Variants in VRK2 observed in about 807,000 individuals in gnomAD.
VRK2 encodes the protein VRK serine/threonine kinase 2, also known as serine/threonine-protein kinase VRK2.
Under a neutral mutation model 57.6 loss-of-function variants are expected in VRK2, and 60 were observed. That is an observed-to-expected ratio of 1.04 (90% confidence interval 0.85 to 1.29). The LOEUF (loss-of-function observed/expected upper bound fraction) is 1.29. Ranked by LOEUF, VRK2 falls within the 50% of genes most tolerant of loss-of-function variation. VRK2 has a pLI of 0.00. For synonymous variants in VRK2, 231 were observed against 199.2 expected (o/e 1.16, Z -1.35); for missense variants, 705 against 588.1 (o/e 1.20, Z -2.06).
At chr2:57,961,074 A>T (rs934782196) in intron 1 of VRK2, among the ~76,000 whole-genome samples, 1 of 152,244 alleles carries the variant, frequency 6.6e-6, no homozygotes, top group Admixed American at 6.5e-5. Flanking sequence ...TTACTTCCTT[A>T]TGTGAATAGA....
intron 1 of VRK2, among the ~76,000 whole-genome samples, chr2:57,922,629 T>C (rs945601528): frequency 6.6e-6 from 1 of 151,868 alleles, no homozygotes; most frequent in Non-Finnish European, 1.5e-5. Context: ...GGTACATAGG[T>C]GTATATATCT....
chr2:57,958,205 T>C (rs1671644074), intron 1 of VRK2, among the ~76,000 whole-genome samples: 1 of 152,176 alleles, frequency 6.6e-6, no homozygotes, highest in African/African-American at 2.4e-5. Context: ...TTAATGTCTT[T>C]GAATTTGTGA....
chr2:57,930,166 G>A (rs1317355909), intron 1 of VRK2, among the ~76,000 whole-genome samples: 1 of 152,104 alleles, frequency 6.6e-6, no homozygotes, highest in Non-Finnish European at 1.5e-5. Context: ...TGGCCTACAT[G>A]GCCTTTCAAG....
At chr2:57,937,584 T>C (rs1354858681) in intron 1 of VRK2, among the ~76,000 whole-genome samples, 3 of 152,218 alleles carry the variant, frequency 2.0e-5, no homozygotes, top group African/African-American at 7.2e-5. Context: ...GAACTAAGCA[T>C]TGCTATTTAG....
chr2:58,127,367 T>C (rs931202088), intron 8 of VRK2, among the ~76,000 whole-genome samples: 1 of 152,156 alleles, frequency 6.6e-6, no homozygotes, highest in Non-Finnish European at 1.5e-5. Flanking sequence ...ATTGGCCAAG[T>C]CTAAGATACA....
chr2:58,108,423 G>A (rs1393029452), intron 7 of VRK2, among the ~76,000 whole-genome samples: 1 of 152,044 alleles, frequency 6.6e-6, no homozygotes, highest in Non-Finnish European at 1.5e-5. Flanking sequence ...AAATCCTTCC[G>A]TGACATCTAT....
At chr2:58,134,511 T>TG (rs557017171) in intron 9 of VRK2, among the ~76,000 whole-genome samples, 2 of 149,044 alleles carry the variant, frequency 1.3e-5, no homozygotes, top group South Asian at 2.1e-4. Context: ...CTCGGGAGGC[T>TG]GAGGCAGGAG....
chr2:58,095,023 C>T lies in VRK2; in HGVS notation c.543+5300C>T, dbSNP rs530476770. On this transcript the variant is annotated intron_variant, in intron 7 of 12. Coordinates refer to ENST00000340157, the MANE Select transcript of VRK2 (RefSeq NM_006296.7). ...TTAAAAGGAATACTTGTGCTGGGCG[C>T]GGTGGCTCACGCCTGTAATCTCAGC... 7.9e-5 allele frequency among the ~76,000 whole-genome samples: 12 copies of T among 152,204 alleles called. No individual in the cohort carries two copies. In the South Asian group the frequency reaches 1.0e-3, roughly 13 times the overall value.
At chr2:58,117,007 T>A (rs1024575567) in intron 7 of VRK2, among the ~76,000 whole-genome samples, 2 of 152,094 alleles carry the variant, frequency 1.3e-5, no homozygotes, top group Non-Finnish European at 1.5e-5. Context: ...ACTTTTTTTT[T>A]ATTATTGTAC....
At chr2:58,091,157 T>G (rs1672321025) in intron 7 of VRK2, among the ~76,000 whole-genome samples, 1 of 152,196 alleles carries the variant, frequency 6.6e-6, no homozygotes, top group Admixed American at 6.5e-5. Flanking sequence ...CATTTGGTTG[T>G]TAAGATCCAT....
intron 1 of VRK2, among the ~76,000 whole-genome samples, chr2:57,970,997 G>T (rs1211527517): frequency 6.6e-6 from 1 of 151,846 alleles, no homozygotes; most frequent in Non-Finnish European, 1.5e-5. Context: ...TTGCATCTCT[G>T]TAGTATTATT....
chr2:58,103,195 C>G (rs989754356), intron 7 of VRK2, among the ~76,000 whole-genome samples: 1 of 150,984 alleles, frequency 6.6e-6, no homozygotes, highest in African/African-American at 2.4e-5. Context: ...CAAACCATAC[C>G]CATAGCTAGC....
chr2:57,965,742 T>A (rs1572914063), intron 1 of VRK2, among the ~76,000 whole-genome samples: 1 of 152,138 alleles, frequency 6.6e-6, no homozygotes, highest in Non-Finnish European at 1.5e-5. Context: ...TATGACAACA[T>A]CCATTTCATG....
intron 1 of VRK2, chr2:58,047,349 G>A (rs2103755434): frequency 1.1e-6 from 1 of 883,540 alleles, no homozygotes; most frequent in Admixed American, 6.2e-5. Context: ...GGAAACTCGT[G>A]TTGAGGACTC....
chr2:57,959,225 G>A (rs537649727), intron 1 of VRK2, among the ~76,000 whole-genome samples: 1 of 152,216 alleles, frequency 6.6e-6, no homozygotes, highest in South Asian at 2.1e-4. Context: ...AATAGCACAA[G>A]GCAATTTTCA....
chr2:58,120,637 C>T (rs115221888), intron 7 of VRK2, among the ~76,000 whole-genome samples: 2,179 of 152,266 alleles, frequency 0.014, 51 homozygotes, highest in African/African-American at 0.049. Flanking sequence ...AGTCTTCTTC[C>T]TGACTGTAGG....
chr2:58,096,946 T>C (rs992768774), intron 7 of VRK2, among the ~76,000 whole-genome samples: 1 of 151,974 alleles, frequency 6.6e-6, no homozygotes, highest in Non-Finnish European at 1.5e-5. Flanking sequence ...AGTAGGAAAT[T>C]CTTAAATTTT....
At chr2:58,004,746 A>G (rs1164363745) in intron 1 of VRK2, among the ~76,000 whole-genome samples, 1 of 152,162 alleles carries the variant, frequency 6.6e-6, no homozygotes, top group East Asian at 1.9e-4. Context: ...ATTTTTCTCT[A>G]CCTAACATTT....
intron 7 of VRK2, among the ~76,000 whole-genome samples, chr2:58,098,359 C>A (rs1339159659): frequency 6.6e-6 from 1 of 152,022 alleles, no homozygotes; most frequent in Non-Finnish European, 1.5e-5. Flanking sequence ...TTTTATAAGT[C>A]TACAGTAGCA....
Sources: gnomAD v4.1 joint callset for allele counts (sites outside exome capture counted in the v4.1 genomes callset) on GRCh38, gnomAD v4.1.1 for gene constraint, MANE v1.5 for transcripts, NCBI Gene and HGNC (gene_info 2026-07-23, HGNC 2026-07-21) for gene names.